CACNA1D: variants seen among roughly 807,000 people sequenced by gnomAD.
CACNA1D encodes voltage-dependent L-type calcium channel subunit alpha-1D.
Under a neutral mutation model 257.1 loss-of-function variants are expected in CACNA1D, and 55 were observed. The observed-to-expected ratio is 0.21, with a 90% confidence interval of 0.17 to 0.27. The LOEUF is 0.27. CACNA1D is among the 10% of genes least tolerant of loss of function. CACNA1D has a pLI of 1.00. For missense variants in CACNA1D, 1,876 were observed against 2,784.0 expected, an observed-to-expected ratio of 0.67 and a Z score of 7.34; for synonymous variants, 980 against 1,014.9, an observed-to-expected ratio of 0.97 and a Z score of 0.65.
intron 9 of CACNA1D, among the ~76,000 whole-genome samples, chr3:53,708,773 C>T (rs35657034): frequency 2.6e-5 from 4 of 152,036 alleles, no homozygotes; most frequent in African/African-American, 9.7e-5. Flanking sequence ...GAAAAAAATT[C>T]TCTCTTCCTT....
At chr3:53,574,974 C>G (rs796326675) in intron 3 of CACNA1D, among the ~76,000 whole-genome samples, 37 of 152,324 alleles carry the variant, frequency 2.4e-4, no homozygotes, top group African/African-American at 8.9e-4. Context: ...TCAACAAAAC[C>G]TCATTGAGGT....
At chr3:53,578,808 A>G (rs924313248) in intron 3 of CACNA1D, among the ~76,000 whole-genome samples, 6 of 152,142 alleles carry the variant, frequency 3.9e-5, no homozygotes, top group African/African-American at 7.2e-5. Flanking sequence ...AATTCTTAAT[A>G]CTTTTGAAAC....
intron 3 of CACNA1D, among the ~76,000 whole-genome samples, chr3:53,522,467 G>A (rs536055650): frequency 6.6e-6 from 1 of 152,298 alleles, no homozygotes; most frequent in African/African-American, 2.4e-5. Context: ...CAGTATAAAG[G>A]CTAGTGCCTT....
chr3:53,517,512 C>G (rs1330058392), intron 3 of CACNA1D, among the ~76,000 whole-genome samples: 1 of 149,178 alleles, frequency 6.7e-6, no homozygotes, highest in Non-Finnish European at 1.5e-5. Flanking sequence ...TAGACAGAGT[C>G]TCACTCTGTC....
At chr3:53,735,248 G>A in intron 19 of CACNA1D, 126 bp from the exon 20 acceptor site, 1 of 921,830 alleles carries the variant, frequency 1.1e-6, no homozygotes. Context: ...CGGGCAGGGT[G>A]CATGGGCAGC....
chr3:53,792,153 G>A (rs1406314041), intron 40 of CACNA1D: 4 of 152,104 alleles, frequency 2.6e-5, no homozygotes, highest in Non-Finnish European at 5.9e-5. Context: ...CCATTGAGAA[G>A]GAAAATTCCC....
At chr3:53,690,890 T>C (rs2094513200) in intron 8 of CACNA1D, among the ~76,000 whole-genome samples, 1 of 152,174 alleles carries the variant, frequency 6.6e-6, no homozygotes, top group Admixed American at 6.5e-5. Flanking sequence ...GCTGGTGCCT[T>C]CAAAAGTGTT....
chr3:53,718,769 G>A (rs1183274558), intron 10 of CACNA1D: 1 of 1,539,428 alleles, frequency 6.5e-7, no homozygotes, highest in Non-Finnish European at 8.8e-7. Flanking sequence ...CTTCCAGCCT[G>A]GGTTTGGCAT....
At chr3:53,613,724 T>C (rs947597241) in intron 3 of CACNA1D, among the ~76,000 whole-genome samples, 37 of 151,952 alleles carry the variant, frequency 2.4e-4, no homozygotes, top group African/African-American at 8.9e-4. Context: ...CCTGCAGAAA[T>C]ACCCAGCTTC....
chr3:53,803,458 G>T lies in CACNA1D; in HGVS notation c.5471G>T (p.Cys1824Phe). 6.2e-7 allele frequency: 1 copy of T among 1,614,232 alleles called. No homozygotes were observed. The highest frequency in any genetic ancestry group is 1.1e-5 in the South Asian group (1 of 91,088). Residue 1824 changes from cysteine to phenylalanine, a missense_variant, in exon 44 of 48, where the codon TGC (cysteine) becomes TTC (phenylalanine). By Grantham distance (205) the Cys-to-Phe change is radical. Coordinates refer to ENST00000350061, the MANE Select transcript of CACNA1D (RefSeq NM_001128840.3). Reference protein sequence around the residue: ...DSGDEQLPTICREDPEIHGYF... With the variant: ...DSGDEQLPTIFREDPEIHGYF... ...GGAGATGAACAGCTCCCAACTATTTGCCGGGAAGACCCAGAGATACATGGC... is the reference window on the plus strand; with the variant it reads ...GGAGATGAACAGCTCCCAACTATTTTCCGGGAAGACCCAGAGATACATGGC...
chr3:53,551,279 C>T (rs1414363234), intron 3 of CACNA1D, among the ~76,000 whole-genome samples: 2 of 152,076 alleles, frequency 1.3e-5, no homozygotes, highest in Non-Finnish European at 1.5e-5. Context: ...ATGACTTTCC[C>T]AAGGGCTGAT....
Position 53,495,347 on chromosome 3 carries a change from GC to G in CACNA1D, c.67+116del. 7.9e-7 allele frequency: 1 copy of G among 1,264,922 alleles called. No individual in the cohort carries two copies. The highest frequency in any genetic ancestry group is 1.2e-6 in the Non-Finnish European group (1 of 867,484). The allele number at this position is 1,264,922 out of a possible 1,614,324, so 78.4% of individuals were successfully genotyped here. A position where few individuals can be genotyped will look rare whatever the true frequency, so the allele number is the denominator to read the frequency against. ...GGTTGAGGGGGTTGGAGAGGGTGCT[GC>G]CAGCTCGGTGTCGTCTACACAGAGA... On this transcript the variant is annotated intron_variant, in intron 1 of 47. Coordinates refer to ENST00000350061, the MANE Select transcript of CACNA1D (RefSeq NM_001128840.3). This position sits in a 1 kb window ranked among gnomAD's most constrained non-coding sequence, Gnocchi z 5.1.
intron 37 of CACNA1D, among the ~76,000 whole-genome samples, chr3:53,777,525 C>T (rs900293435): frequency 6.6e-6 from 1 of 152,124 alleles, no homozygotes; most frequent in Non-Finnish European, 1.5e-5. Flanking sequence ...TAGGAGCAGT[C>T]GCTTGGAGAT....
intron 9 of CACNA1D, among the ~76,000 whole-genome samples, chr3:53,703,337 G>GGGGC (rs1276727505): frequency 6.6e-6 from 1 of 152,216 alleles, no homozygotes; most frequent in Non-Finnish European, 1.5e-5. Context: ...CAGGTGTTAA[G>GGGGC]GGGCACGTGA....
intron 3 of CACNA1D, among the ~76,000 whole-genome samples, chr3:53,533,728 A>T (rs545003015): frequency 8.5e-5 from 13 of 152,296 alleles, no homozygotes; most frequent in Admixed American, 2.0e-4. Context: ...CTGCTGCCTG[A>T]TGCTCCTGGA....
chr3:53,626,473 C>T (rs897870969), intron 3 of CACNA1D, among the ~76,000 whole-genome samples: 1 of 151,942 alleles, frequency 6.6e-6, no homozygotes, highest in Non-Finnish European at 1.5e-5. Flanking sequence ...GGAAAGGCTG[C>T]GAGGGGAAAT....
At chr3:53,511,551 C>T (rs556242621) in intron 3 of CACNA1D, among the ~76,000 whole-genome samples, 6 of 152,134 alleles carry the variant, frequency 3.9e-5, no homozygotes, top group Middle Eastern at 3.4e-3. Context: ...AGAAATGCCG[C>T]GCAAGCAGAT....
At position 53,694,994 on chromosome 3, in the gene CACNA1D, C is replaced by A. The variant is rs187878328; in HGVS notation, c.1221-7647C>A. Among the ~76,000 whole-genome samples the A allele has an allele frequency of 1.7e-3, 262 of 152,292 alleles. 1 individual carries two copies. Among genetic ancestry groups the A allele is most frequent in the African/African-American group, 6.0e-3 (249 of 41,554 alleles). ...GGGCTGGATGAGTATGGGGCGCATA[C>A]CATTGTTCTGTCGTCAGAGCGCCCT... On this transcript the variant is annotated intron_variant, in intron 8 of 47. Transcript: ENST00000350061.
chr3:53,506,992 G>T (rs918305424), intron 3 of CACNA1D, among the ~76,000 whole-genome samples: 2 of 149,414 alleles, frequency 1.3e-5, no homozygotes, highest in African/African-American at 4.9e-5. Flanking sequence ...AGTCTTGGTT[G>T]AGCCCAGGAG....
Sources: allele counts gnomAD v4.1 joint callset (sites outside exome capture counted in the v4.1 genomes callset), GRCh38; gene constraint gnomAD v4.1.1; non-coding constraint Gnocchi (gnomAD v3.1); transcripts MANE v1.5; gene names NCBI Gene and HGNC (gene_info 2026-07-23, HGNC 2026-07-21).